Variants in HECW1 observed in about 807,000 individuals in gnomAD.
HECW1 encodes E3 ubiquitin-protein ligase HECW1.
Under a neutral mutation model 182.3 loss-of-function variants are expected in HECW1, and 61 were observed. The ratio of observed to expected loss-of-function variants is 0.33; its 90% CI spans 0.27 to 0.41. The LOEUF (loss-of-function observed/expected upper bound fraction) is 0.41, where lower values mean the gene tolerates loss of function less well. Among genes scored for constraint, HECW1 ranks in the 10% least tolerant of loss-of-function variants. HECW1 has a pLI of 1.00. For synonymous variants in HECW1, 859 were observed against 832.6 expected (o/e 1.03, Z -0.55); for missense variants, 1,739 against 2,108.9 (o/e 0.82, Z 3.44).
intron 2 of HECW1, among the ~76,000 whole-genome samples, chr7:43,179,837 A>T (rs1296158479): frequency 6.6e-6 from 1 of 152,200 alleles, no homozygotes; most frequent in Non-Finnish European, 1.5e-5. Context: ...TGAAAACATG[A>T]TTGAGATTTA....
intron 8 of HECW1, among the ~76,000 whole-genome samples, chr7:43,431,105 T>C (rs752468245): frequency 1.4e-4 from 22 of 152,130 alleles, no homozygotes; most frequent in Non-Finnish European, 2.8e-4. Context: ...ACAATGTCTT[T>C]AACATTTCTC....
chr7:43,486,994 A>G (rs560980731), intron 17 of HECW1, among the ~76,000 whole-genome samples: 18 of 152,358 alleles, frequency 1.2e-4, no homozygotes, highest in Admixed American at 2.6e-4. Flanking sequence ...GCTTCTTATT[A>G]TAAAAATATT....
chr7:43,460,541 C>T (rs573512826), intron 13 of HECW1, among the ~76,000 whole-genome samples: 3 of 151,522 alleles, frequency 2.0e-5, no homozygotes, highest in South Asian at 4.2e-4. Flanking sequence ...TGCGCGCGTG[C>T]GTGTGTGTGC....
chr7:43,403,189 A>G (rs539371772), intron 7 of HECW1, among the ~76,000 whole-genome samples: 3 of 152,350 alleles, frequency 2.0e-5, no homozygotes, highest in Non-Finnish European at 4.4e-5. Context: ...AACAGAAGTT[A>G]TTAACATGTA....
At chr7:43,457,571 G>A (rs187420430) in intron 13 of HECW1, among the ~76,000 whole-genome samples, 46 of 152,146 alleles carry the variant, frequency 3.0e-4, no homozygotes, top group African/African-American at 1.1e-3. Flanking sequence ...TCAGGAGTTC[G>A]AGACCAGCCT....
chr7:43,288,037 G>T (rs940406906), intron 3 of HECW1, among the ~76,000 whole-genome samples: 6 of 152,138 alleles, frequency 3.9e-5, no homozygotes, highest in African/African-American at 7.2e-5. Context: ...GATAGTTGAG[G>T]AAAGCAACCC....
intron 3 of HECW1, chr7:43,274,244 C>A: frequency 1.4e-6 from 1 of 702,618 alleles, no homozygotes; most frequent in Non-Finnish European, 2.4e-6. Context: ...CCCTCTACTG[C>A]ATGCGAATCT....
intron 24 of HECW1, among the ~76,000 whole-genome samples, chr7:43,538,215 G>A (rs991198432): frequency 1.7e-4 from 26 of 152,306 alleles, no homozygotes; most frequent in Non-Finnish European, 1.5e-4. Flanking sequence ...GGTGTTGGCA[G>A]TGAGAGAGGA....
At chr7:43,209,542 T>A (rs1245025312) in intron 2 of HECW1, among the ~76,000 whole-genome samples, 1 of 152,174 alleles carries the variant, frequency 6.6e-6, no homozygotes, top group East Asian at 1.9e-4. Flanking sequence ...CTCTCCTGTC[T>A]CAAAGAGATT....
At chr7:43,364,859 T>C (rs928086922) in intron 6 of HECW1, among the ~76,000 whole-genome samples, 5 of 152,262 alleles carry the variant, frequency 3.3e-5, no homozygotes, top group Non-Finnish European at 7.3e-5. Context: ...TTCCTCTCCA[T>C]ATTCTGGCCC....
At chr7:43,144,714 T>C (rs2152636824) in intron 2 of HECW1, among the ~76,000 whole-genome samples, 1 of 152,282 alleles carries the variant, frequency 6.6e-6, no homozygotes, top group South Asian at 2.1e-4. Flanking sequence ...CTTTCTTATT[T>C]CCTGGCACTA....
chr7:43,155,857 G>C (rs1036966176), intron 2 of HECW1, among the ~76,000 whole-genome samples: 2 of 152,208 alleles, frequency 1.3e-5, no homozygotes, highest in Non-Finnish European at 2.9e-5. Flanking sequence ...TCTTACAGGT[G>C]TAACAGCAGA....
In HECW1 at chr7:43,463,814, G is replaced by T. The variant is rs76806302; in HGVS notation, c.2791+15G>T. On this transcript the variant is annotated intron_variant, in intron 14 of 29. Transcript: ENST00000395891. The stretch of plus-strand genomic sequence containing the variant: ...GTCCAGCTTAGGTATTGGAGGAGGG[G>T]TCCCCACAACCTGTGATGGCTTTCA... The T allele has an allele frequency of 1.8e-3, 2,974 of 1,612,802 alleles. 48 individuals are homozygous for T. In the African/African-American group the frequency reaches 0.034, roughly 19 times the overall value.
At chr7:43,206,612 C>G (rs1376833164) in intron 2 of HECW1, among the ~76,000 whole-genome samples, 2 of 152,180 alleles carry the variant, frequency 1.3e-5, no homozygotes, top group South Asian at 2.1e-4. Flanking sequence ...TCTAACACCA[C>G]AAAAGCCTTA....
At chr7:43,370,388 A>G (rs2152819122) in intron 6 of HECW1, among the ~76,000 whole-genome samples, 1 of 152,358 alleles carries the variant, frequency 6.6e-6, no homozygotes, top group African/African-American at 2.4e-5. Context: ...AGGAACTCTC[A>G]TTCATTGCTG....
At chr7:43,408,527 A>T (rs1222210267) in intron 8 of HECW1, among the ~76,000 whole-genome samples, 1 of 151,988 alleles carries the variant, frequency 6.6e-6, no homozygotes, top group Non-Finnish European at 1.5e-5. Context: ...CACCAAAAAA[A>T]AAAAAAAAAT....
At chr7:43,558,161 GA>G (rs2082092982) in intron 29 of HECW1, among the ~76,000 whole-genome samples, 1 of 152,124 alleles carries the variant, frequency 6.6e-6, no homozygotes, top group South Asian at 2.1e-4. Context: ...CTTTGAACAA[GA>G]GCTCAAAGGA....
chr7:43,483,857 A>T (rs1471798072), intron 17 of HECW1, among the ~76,000 whole-genome samples: 3 of 152,092 alleles, frequency 2.0e-5, no homozygotes, highest in Non-Finnish European at 4.4e-5. Context: ...CCACAAACTT[A>T]TATTTTTAAA....
intron 2 of HECW1, among the ~76,000 whole-genome samples, chr7:43,216,082 C>A (rs147272483): frequency 6.6e-6 from 1 of 152,228 alleles, no homozygotes; most frequent in East Asian, 1.9e-4. Context: ...TTTATATGGT[C>A]TTTGTTTTAT....
Sources: gnomAD v4.1 joint callset for allele counts (sites outside exome capture counted in the v4.1 genomes callset) on GRCh38, gnomAD v4.1.1 for gene constraint, MANE v1.5 for transcripts, NCBI Gene and HGNC (gene_info 2026-07-23, HGNC 2026-07-21) for gene names.